The following DDX60L variants were observed in gnomAD, a reference collection of about 807,000 sequenced individuals.
DDX60L encodes the protein probable ATP-dependent RNA helicase DDX60-like.
In DDX60L, 191 loss-of-function variants were observed where a neutral mutation model predicts 211.6. That is an observed-to-expected ratio of 0.90 (90% CI 0.80 to 1.02). DDX60L has a LOEUF of 1.02. DDX60L is among the 50% of genes least tolerant of loss of function. The pLI, the probability that DDX60L is intolerant of heterozygous loss-of-function variation, is 0.00. For synonymous variants in DDX60L, 706 were observed against 694.1 expected, an observed-to-expected ratio of 1.02 and a Z score of -0.27; for missense variants, 2,007 against 1,984.1, an observed-to-expected ratio of 1.01 and a Z score of -0.22.
chr4:168,358,184 T>C lies in DDX60L; in HGVS notation c.5084A>G (p.Glu1695Gly). 6.2e-7 allele frequency: 1 copy of C among 1,607,360 alleles called. No individual in the cohort carries two copies. The highest frequency in any genetic ancestry group is 8.5e-7 in the Non-Finnish European group (1 of 1,177,166). The change falls in exon 38 of 38, where the codon GAA becomes GGA. Residue 1695 changes from glutamate to glycine, a missense_variant. Glu to Gly is a moderately conservative substitution (Grantham distance 98). Transcript: ENST00000682922. ...LSQTFYEKLQ[E>G]MQIQMSQNHL... is the part of the protein sequence containing the mutation. ...ATTTTGACTCATTTGAATTTGCATT[T>C]CTTGAAGTTTCTCATAAAAGGTTTG...
chr4:168,435,989 T>C (rs1421092528), intron 10 of DDX60L, among the ~76,000 whole-genome samples: 1 of 152,004 alleles, frequency 6.6e-6, no homozygotes, highest in Non-Finnish European at 1.5e-5. Context: ...CTTGTAGGAG[T>C]CCAATTGTGT....
At chr4:168,474,730 T>G (rs1248057065) in intron 1 of DDX60L, among the ~76,000 whole-genome samples, 2 of 152,064 alleles carry the variant, frequency 1.3e-5, no homozygotes, top group Non-Finnish European at 2.9e-5. Context: ...AAAGAAATAT[T>G]AAGACACATG....
At chr4:168,446,134 T>C (rs201140709) in intron 9 of DDX60L, among the ~76,000 whole-genome samples, 62,203 of 148,294 alleles carry the variant, frequency 0.42, 13,287 homozygotes, top group South Asian at 0.49. Flanking sequence ...GAAAACCCCA[T>C]TGTCTCAGCC....
intron 9 of DDX60L, among the ~76,000 whole-genome samples, chr4:168,448,422 CTATT>C (rs1446826121): frequency 6.6e-6 from 1 of 152,046 alleles, no homozygotes; most frequent in African/African-American, 2.4e-5. Flanking sequence ...AAAAATATAA[CTATT>C]AATATGCTAT....
chr4:168,453,411 T>C, intron 7 of DDX60L, 129 bp from the exon 8 acceptor site: 1 of 949,188 alleles, frequency 1.1e-6, no homozygotes, highest in Non-Finnish European at 1.5e-6. Context: ...CCCTTCTGCA[T>C]ACACAAACTT....
intron 25 of DDX60L, 55 bp from the exon 26 acceptor site, chr4:168,401,033 A>G: frequency 6.5e-7 from 1 of 1,529,578 alleles, no homozygotes; most frequent in Non-Finnish European, 8.9e-7. Flanking sequence ...TCCATATTGT[A>G]AACCAAAAAT....
chr4:168,385,980 T>G (rs933128894), intron 29 of DDX60L, among the ~76,000 whole-genome samples: 2 of 148,968 alleles, frequency 1.3e-5, no homozygotes, highest in Non-Finnish European at 1.5e-5. Context: ...GATAGAGGGA[T>G]AGAGGGAGGG....
In DDX60L at chr4:168,416,804, A is replaced by G. The variant is rs1749643642; in HGVS notation, c.2611-7T>C. Reference sequence around the variant, plus strand: ...CTCTGCCAAGATAATGGACCTAGTAAAGAAAAAAAAATCAGTTGAAAAGTT... The same window carrying G: ...CTCTGCCAAGATAATGGACCTAGTAGAGAAAAAAAAATCAGTTGAAAAGTT... On this transcript the variant is annotated splice_region_variant and splice_polypyrimidine_tract_variant and intron_variant, in intron 19 of 37. Transcript: ENST00000682922. 6.8e-7 allele frequency: 1 copy of G among 1,480,980 alleles called. No individual in the cohort carries two copies. The highest frequency in any genetic ancestry group is 9.2e-7 in the Non-Finnish European group (1 of 1,092,044). The allele number at this position is 1,480,980 out of a possible 1,614,324, so 91.7% of individuals were successfully genotyped here. A position where few individuals can be genotyped will look rare whatever the true frequency, so the allele number is the denominator to read the frequency against.
Position 168,477,026 on chromosome 4 carries a change from T to C in DDX60L, c.-111+3351A>G, listed in dbSNP as rs183911239. ...CTGCTTTGAACTCTTAGAAGGACAATATATATAAATTTCTATTGTGTAATG... is the reference window on the plus strand; with the variant it reads ...CTGCTTTGAACTCTTAGAAGGACAACATATATAAATTTCTATTGTGTAATG... On this transcript the variant is annotated intron_variant, in intron 1 of 37. Coordinates refer to ENST00000682922, the MANE Select transcript of DDX60L (RefSeq NM_001012967.3). 1.3e-4 allele frequency among the ~76,000 whole-genome samples: 20 copies of C among 152,288 alleles called. No homozygotes were observed. In the East Asian group the frequency reaches 1.4e-3, roughly 10 times the overall value.
intron 26 of DDX60L, among the ~76,000 whole-genome samples, chr4:168,400,176 T>A (rs1476890743): frequency 6.6e-6 from 1 of 152,208 alleles, no homozygotes; most frequent in Non-Finnish European, 1.5e-5. Context: ...TCTATCAATG[T>A]CCCTGTAAAG....
chr4:168,384,236 A>G lies in DDX60L; in HGVS notation c.4116+376T>C, dbSNP rs76140517. On this transcript the variant is annotated intron_variant, in intron 30 of 37. Coordinates refer to ENST00000682922, the MANE Select transcript of DDX60L (RefSeq NM_001012967.3). ...TCTATCCTATTAGTTCTGTCACTCT[A>G]CAGAACCCTAATACAGTGGGTGGAT... Among the ~76,000 whole-genome samples, 1,356 of 152,208 alleles carry G rather than the reference A, an allele frequency of 8.9e-3. 19 individuals are homozygous for G. Among genetic ancestry groups the G allele is most frequent in the African/African-American group, 0.031 (1,271 of 41,526 alleles).
chr4:168,388,867 G>A (rs755433), intron 29 of DDX60L, among the ~76,000 whole-genome samples: 8,360 of 152,282 alleles, frequency 0.055, 323 homozygotes, highest in Non-Finnish European at 0.085. Flanking sequence ...TGCTGACATG[G>A]TGGTGAAGAG....
rs771987450 is a variant in DDX60L, at chr4:168,421,782, A to G, written c.2372T>C (p.Val791Ala). The G allele has an allele frequency of 6.2e-7, 1 of 1,613,964 alleles. No individual in the cohort carries two copies. Among genetic ancestry groups the G allele is most frequent in the Middle Eastern group, 1.7e-4 (1 of 6,058 alleles). Residue 791 changes from valine (V) to alanine (A), a missense_variant, in exon 17 of 38, where the codon GTT becomes GCT. By Grantham distance (64) the Val-to-Ala change is moderately conservative (BLOSUM62 0). Coordinates refer to ENST00000682922, the MANE Select transcript of DDX60L (RefSeq NM_001012967.3). The part of the protein sequence containing the change: ...KVLRESDVGV[V>A]VYVAPAKSLV... ...TACCTTTGCGGGTGCAACGTACACA[A>G]CCACCCCGACATCGCTCTCCCTCAG... is the stretch of plus-strand genomic sequence containing the variant.
chr4:168,373,609 G>C, intron 35 of DDX60L, 57 bp downstream of exon 35: 1 of 1,552,210 alleles, frequency 6.4e-7, no homozygotes, highest in East Asian at 2.2e-5. Flanking sequence ...TCACAGCAAT[G>C]TAACCCCACT....
intron 26 of DDX60L, among the ~76,000 whole-genome samples, chr4:168,399,941 AT>A (rs1366192263): frequency 1.3e-5 from 2 of 152,140 alleles, no homozygotes; most frequent in Non-Finnish European, 2.9e-5. Context: ...TGTTGTACAG[AT>A]TATTTCATAA....
At chr4:168,434,015 T>C (rs1381930866) in intron 10 of DDX60L, among the ~76,000 whole-genome samples, 1 of 152,178 alleles carries the variant, frequency 6.6e-6, no homozygotes, top group Non-Finnish European at 1.5e-5. Flanking sequence ...CTGCTAGCAA[T>C]TTAACTTTTA....
At chr4:168,359,105 C>G (rs913660816) in intron 37 of DDX60L, among the ~76,000 whole-genome samples, 1 of 152,156 alleles carries the variant, frequency 6.6e-6, no homozygotes. Flanking sequence ...ACATGCTATT[C>G]GAGCATTGCA....
At chr4:168,401,289 C>T (rs529573564) in intron 25 of DDX60L, among the ~76,000 whole-genome samples, 8 of 152,252 alleles carry the variant, frequency 5.3e-5, no homozygotes, top group Non-Finnish European at 1.0e-4. Flanking sequence ...TCCACAACCT[C>T]TTATCATAAC....
At position 168,420,349 on chromosome 4, in the gene DDX60L, T is replaced by C; in HGVS notation, c.2426A>G (p.Glu809Gly). Residue 809 changes from glutamate to glycine, a missense_variant, in exon 18 of 38, where the codon GAG becomes GGG. Physicochemically the swap from Glu to Gly is moderately conservative, Grantham distance 98 (BLOSUM62 -2). Coordinates refer to ENST00000682922, the MANE Select transcript of DDX60L (RefSeq NM_001012967.3). ...SLVGQVAATV[E>G]NRFTKTLPAG... ...AGGCAACGTTTTAGTAAAACGATTC[T>C]CAACAGTTGCAGCCACTTGACCAAC... 6.2e-7 allele frequency: 1 copy of C among 1,611,036 alleles called. No homozygotes were observed. The highest frequency in any genetic ancestry group is 8.5e-7 in the Non-Finnish European group (1 of 1,179,326).
Sources: allele counts gnomAD v4.1 joint callset (sites outside exome capture counted in the v4.1 genomes callset), GRCh38; gene constraint gnomAD v4.1.1; transcripts MANE v1.5; gene names NCBI Gene and HGNC (gene_info 2026-07-23, HGNC 2026-07-21).